Variants in ENOX1 observed in about 807,000 individuals in gnomAD.
The protein encoded by ENOX1 is candidate growth-related and time keeping constitutive hydroquinone (NADH) oxidase.
A neutral mutation model predicts 82.5 loss-of-function variants in ENOX1; 42 were observed. That is an observed-to-expected ratio of 0.51 (90% CI 0.40 to 0.66). ENOX1 has a LOEUF of 0.66. ENOX1 is among the 30% of genes least tolerant of loss of function. The pLI is 0.00. For synonymous variants in ENOX1, 271 were observed against 282.2 expected (o/e 0.96, Z 0.40); for missense variants, 608 against 811.6 (o/e 0.75, Z 3.05).
chr13:43,688,468 A>G (rs2086187218), intron 1 of ENOX1, among the ~76,000 whole-genome samples: 1 of 152,238 alleles, frequency 6.6e-6, no homozygotes, highest in South Asian at 2.1e-4. Flanking sequence ...ACTAGATAAG[A>G]AATGCTTAGC....
chr13:43,612,242 T>C (rs975980226), intron 2 of ENOX1, among the ~76,000 whole-genome samples: 4 of 152,130 alleles, frequency 2.6e-5, no homozygotes, highest in Admixed American at 6.6e-5. Flanking sequence ...GTATTACAGC[T>C]AGGAAGAGCC....
intron 12 of ENOX1, among the ~76,000 whole-genome samples, chr13:43,270,041 T>C (rs1030482522): frequency 1.3e-5 from 2 of 152,216 alleles, no homozygotes; most frequent in South Asian, 2.1e-4. Context: ...TGGTGATGTT[T>C]TATTAGATCA....
chr13:43,254,748 T>G (rs1593550779), intron 14 of ENOX1, among the ~76,000 whole-genome samples: 2 of 152,252 alleles, frequency 1.3e-5, no homozygotes, highest in East Asian at 3.9e-4. Flanking sequence ...TTAGAGTCTA[T>G]CATGAATAAC....
At chr13:43,409,748 G>A (rs2054009253) in intron 5 of ENOX1, among the ~76,000 whole-genome samples, 2 of 152,072 alleles carry the variant, frequency 1.3e-5, no homozygotes, top group East Asian at 1.9e-4. Flanking sequence ...TTTAGGATAA[G>A]ATGTTAAAAA....
intron 3 of ENOX1, among the ~76,000 whole-genome samples, chr13:43,424,624 G>C (rs978254172): frequency 6.6e-6 from 1 of 152,224 alleles, no homozygotes; most frequent in Non-Finnish European, 1.5e-5. Flanking sequence ...CTGCAGTCAT[G>C]ATCGCCCTGG....
chr13:43,527,915 T>A (rs1447620540), intron 2 of ENOX1, among the ~76,000 whole-genome samples: 1 of 152,126 alleles, frequency 6.6e-6, no homozygotes, highest in African/African-American at 2.4e-5. Flanking sequence ...CAAAGTGAGA[T>A]GATATACTGT....
At chr13:43,535,160 G>C (rs1277049280) in intron 2 of ENOX1, among the ~76,000 whole-genome samples, 5 of 152,182 alleles carry the variant, frequency 3.3e-5, no homozygotes, top group Non-Finnish European at 7.3e-5. Flanking sequence ...AAAGTGCTTA[G>C]TGAGTAGAGG....
chr13:43,412,153 TC>T, intron 4 of ENOX1, 100 bp from the exon 5 acceptor site: 1 of 1,345,754 alleles, frequency 7.4e-7, no homozygotes, highest in Non-Finnish European at 1.0e-6. Context: ...TTTAGCACAT[TC>T]CCAAACTACA....
chr13:43,649,647 G>C (rs765087906), intron 2 of ENOX1, among the ~76,000 whole-genome samples: 1 of 152,106 alleles, frequency 6.6e-6, no homozygotes, highest in Admixed American at 6.5e-5. Context: ...CCTTGAAGAA[G>C]ACATTTCCCT....
intron 2 of ENOX1, among the ~76,000 whole-genome samples, chr13:43,657,711 C>A (rs2084510539): frequency 6.6e-6 from 1 of 152,204 alleles, no homozygotes; most frequent in Non-Finnish European, 1.5e-5. Flanking sequence ...CAAGGGACAG[C>A]CCCAAAAATT....
intron 1 of ENOX1, among the ~76,000 whole-genome samples, chr13:43,669,584 CT>C (rs1320279187): frequency 6.6e-6 from 1 of 151,878 alleles, no homozygotes. Context: ...CTTTTTTTCC[CT>C]TTTTTCTTTG....
At chr13:43,238,301 G>A (rs1045327829) in intron 14 of ENOX1, among the ~76,000 whole-genome samples, 1 of 152,174 alleles carries the variant, frequency 6.6e-6, no homozygotes, top group Non-Finnish European at 1.5e-5. Flanking sequence ...TTTTAAAATA[G>A]AACAAATCCA....
intron 2 of ENOX1, among the ~76,000 whole-genome samples, chr13:43,585,872 T>C (rs1251744024): frequency 1.3e-5 from 2 of 152,246 alleles, no homozygotes; most frequent in Non-Finnish European, 1.5e-5. Flanking sequence ...CCACTGCACC[T>C]GGCCAAGTTT....
chr13:43,344,489 G>C, intron 9 of ENOX1, 49 bp downstream of exon 9: 1 of 1,493,790 alleles, frequency 6.7e-7, no homozygotes, highest in Non-Finnish European at 9.2e-7. Flanking sequence ...TAATAAAAAA[G>C]AAAAGGCAAA....
At chr13:43,522,604 C>T (rs1310595391) in intron 2 of ENOX1, among the ~76,000 whole-genome samples, 1 of 152,122 alleles carries the variant, frequency 6.6e-6, no homozygotes, top group African/African-American at 2.4e-5. Flanking sequence ...AAACAGTGCC[C>T]TGTAGAAGCC....
rs2055736044 is a variant in ENOX1, at chr13:43,432,493, A to T, written c.-74-19505T>A. On this transcript the variant is annotated intron_variant, in intron 3 of 16. Transcript: ENST00000690772. ...ATCTCTACTAAAAATAGAAAAAAAA[A>T]TGAGGTGGGCGTGGTGGCGCATGTT... 3.9e-5 allele frequency among the ~76,000 whole-genome samples: 6 copies of T among 151,998 alleles called. No individual in the cohort carries two copies. The South Asian group carries it at 1.2e-3, about 32-fold the overall frequency.
At chr13:43,461,775 T>G (rs2057496636) in intron 3 of ENOX1, among the ~76,000 whole-genome samples, 1 of 152,212 alleles carries the variant, frequency 6.6e-6, no homozygotes, top group South Asian at 2.1e-4. Flanking sequence ...GTTAAGTATG[T>G]ATACAAATAA....
chr13:43,382,535 T>A (rs777629075), intron 5 of ENOX1, among the ~76,000 whole-genome samples: 1 of 152,152 alleles, frequency 6.6e-6, no homozygotes, highest in Non-Finnish European at 1.5e-5. Flanking sequence ...GTACATTCTA[T>A]AGGTTTCATT....
At chr13:43,545,489 T>C (rs1279520757) in intron 2 of ENOX1, 2 of 152,246 alleles carry the variant, frequency 1.3e-5, no homozygotes, top group Non-Finnish European at 2.9e-5. Context: ...TGGGGAGGGA[T>C]GGACCGGGCT....
Sources: allele counts gnomAD v4.1 joint callset (sites outside exome capture counted in the v4.1 genomes callset), GRCh38; gene constraint gnomAD v4.1.1; transcripts MANE v1.5; gene names NCBI Gene and HGNC (gene_info 2026-07-23, HGNC 2026-07-21).